ATF6: variants seen among roughly 807,000 people sequenced by gnomAD.
ATF6 encodes the protein activating transcription factor 6.
In ATF6, 53 loss-of-function variants were observed where a neutral mutation model predicts 83.6. That is an observed-to-expected ratio of 0.63 (90% confidence interval 0.51 to 0.80). The LOEUF is 0.80. Ranked by LOEUF, ATF6 falls within the 30% of genes least tolerant of loss-of-function variation. ATF6 has a pLI of 0.00. For missense variants in ATF6, 744 were observed against 797.9 expected (o/e 0.93, Z 0.81); for synonymous variants, 288 against 285.8 (o/e 1.01, Z -0.08).
rs1160705630 is a variant in ATF6 at position 161,819,817 on chromosome 1, A to G, written c.1094A>G (p.Glu365Gly). The change falls in exon 8 of 16, where the codon GAG becomes GGG. Residue 365 changes from glutamate to glycine, a missense_variant and splice_region_variant. By Grantham distance (98) the Glu-to-Gly change is moderately conservative (BLOSUM62 -2). Coordinates refer to ENST00000367942, the MANE Select transcript of ATF6 (RefSeq NM_007348.4). ...LKRQLDEVVS[E>G]NQRLKVPSPK... is the part of the protein sequence containing the mutation. ...CGGCAGCTGGATGAAGTTGTGTCAG[A>G]GGTAAGTGTTAGTAATACGGCTGAG... is the stretch of plus-strand genomic sequence containing the variant. The G allele has an allele frequency of 1.2e-6, 2 of 1,607,908 alleles. No individual in the cohort carries two copies. The highest frequency in any genetic ancestry group is 1.1e-5 in the South Asian group (1 of 90,218).
chr1:161,935,813 A>G (rs140291677), intron 15 of ATF6, among the ~76,000 whole-genome samples: 260 of 152,388 alleles, frequency 1.7e-3, no homozygotes, highest in African/African-American at 6.0e-3. Flanking sequence ...CATTCATAAT[A>G]GGTTCTCAGT....
intron 9 of ATF6, among the ~76,000 whole-genome samples, chr1:161,831,428 A>C (rs1686056665): frequency 6.6e-6 from 1 of 152,232 alleles, no homozygotes; most frequent in Non-Finnish European, 1.5e-5. Flanking sequence ...CATTTGACCC[A>C]GCCATCCCAT....
intron 6 of ATF6, among the ~76,000 whole-genome samples, chr1:161,795,336 G>C (rs1001354682): frequency 2.0e-5 from 3 of 152,014 alleles, no homozygotes; most frequent in Non-Finnish European, 4.4e-5. Context: ...TTCTTACTAT[G>C]TGCCAGACAC....
intron 9 of ATF6, among the ~76,000 whole-genome samples, chr1:161,824,903 A>G (rs1685854918): frequency 6.6e-6 from 1 of 152,218 alleles, no homozygotes; most frequent in Non-Finnish European, 1.5e-5. Context: ...GTTGTATGAG[A>G]AAGAATTATA....
At chr1:161,860,126 A>G in intron 12 of ATF6, 81 bp from the exon 13 acceptor site, 1 of 865,720 alleles carries the variant, frequency 1.2e-6, no homozygotes, top group South Asian at 2.6e-5. Context: ...AACAAATTTA[A>G]GTATAGAATG....
chr1:161,810,283 G>C (rs1265187982), intron 7 of ATF6, among the ~76,000 whole-genome samples: 3 of 152,192 alleles, frequency 2.0e-5, no homozygotes, highest in African/African-American at 7.2e-5. Context: ...CATGACTGTG[G>C]GTGAGGGGGA....
At chr1:161,915,027 C>T (rs1044899709) in intron 15 of ATF6, among the ~76,000 whole-genome samples, 8 of 152,156 alleles carry the variant, frequency 5.3e-5, no homozygotes, top group African/African-American at 1.9e-4. Context: ...CTTTCCCTCT[C>T]TCTGAAAAAA....
Position 161,958,853 on chromosome 1 carries a change from A to T in ATF6, c.*199A>T. On this transcript the variant is annotated 3_prime_UTR_variant, in exon 16 of 16. Transcript: ENST00000367942. ...CTATTTGGAAAGCACTGGAATTCAG[A>T]TGCAAGAGAACAATGTTTCTTCAGT... is the stretch of plus-strand genomic sequence containing the variant. 1 of 500,530 alleles carries T rather than the reference A, an allele frequency of 2.0e-6. No homozygotes were observed. Among genetic ancestry groups the T allele is most frequent in the Non-Finnish European group, 3.5e-6 (1 of 286,574 alleles). The allele number at this position is 500,530 out of a possible 1,614,324, so 31.0% of individuals were successfully genotyped here.
At chr1:161,861,587 T>G (rs1439588110) in intron 13 of ATF6, among the ~76,000 whole-genome samples, 1 of 152,208 alleles carries the variant, frequency 6.6e-6, no homozygotes, top group African/African-American at 2.4e-5. Flanking sequence ...AGTTAAAATG[T>G]TTTAGTGAAT....
chr1:161,941,822 A>G (rs562850369), intron 15 of ATF6, among the ~76,000 whole-genome samples: 1 of 152,310 alleles, frequency 6.6e-6, no homozygotes, highest in African/African-American at 2.4e-5. Context: ...ACTTAAAGAA[A>G]GTTTAGTCCT....
intron 10 of ATF6, among the ~76,000 whole-genome samples, chr1:161,849,717 C>T (rs1056669836): frequency 6.6e-6 from 1 of 152,062 alleles, no homozygotes; most frequent in Non-Finnish European, 1.5e-5. Context: ...TAATTTCATG[C>T]ACAGTTCATA....
At chr1:161,849,108 A>C (rs1686552741) in intron 10 of ATF6, among the ~76,000 whole-genome samples, 1 of 152,134 alleles carries the variant, frequency 6.6e-6, no homozygotes, top group South Asian at 2.1e-4. Flanking sequence ...ATGATTTTTA[A>C]AATAATGCGT....
At chr1:161,847,028 A>G (rs1209154157) in intron 10 of ATF6, among the ~76,000 whole-genome samples, 2 of 152,096 alleles carry the variant, frequency 1.3e-5, no homozygotes, top group Non-Finnish European at 2.9e-5. Context: ...TCTTTGTTGA[A>G]TCCCTCCCTT....
rs1486984762 is a variant in ATF6 at position 161,961,462 on chromosome 1, T to G, written c.*2808T>G. 6.6e-6 allele frequency: 1 copy of G among 152,222 alleles called. No individual in the cohort carries two copies. Among genetic ancestry groups the G allele is most frequent in the Non-Finnish European group, 1.5e-5 (1 of 68,032 alleles). 9.4% of individuals were successfully genotyped at this position (152,222 alleles called of 1,614,324 possible). On this transcript the variant is annotated 3_prime_UTR_variant, in exon 16 of 16. Coordinates refer to ENST00000367942, the MANE Select transcript of ATF6 (RefSeq NM_007348.4). ...CAAATGCAAAGAAGTAGTCACTTTT[T>G]AAATTGCTGGCAAAGCTATAATTAA...
rs1457178017 is a variant in ATF6 at position 161,781,744 on chromosome 1, C to G, written c.160-168C>G. On this transcript the variant is annotated intron_variant, in intron 2 of 15. Transcript: ENST00000367942. ...TCAAGTAACTGAATTGATTTTATCTCTAGGCTATCCAAGATGTATTCTCAT... is the reference window on the plus strand; with the variant it reads ...TCAAGTAACTGAATTGATTTTATCTGTAGGCTATCCAAGATGTATTCTCAT... Among the ~76,000 whole-genome samples the G allele has an allele frequency of 2.0e-5, 3 of 152,148 alleles. No homozygotes were observed. In the East Asian group the frequency reaches 5.8e-4, roughly 29 times the overall value.
chr1:161,774,866 A>G (rs1684478597), intron 1 of ATF6, among the ~76,000 whole-genome samples: 1 of 152,204 alleles, frequency 6.6e-6, no homozygotes, highest in Non-Finnish European at 1.5e-5. Context: ...GTGTCCTTTA[A>G]TCTGGAACAG....
intron 14 of ATF6, among the ~76,000 whole-genome samples, chr1:161,869,836 TTG>T (rs1687084565): frequency 6.6e-6 from 1 of 151,856 alleles, no homozygotes; most frequent in South Asian, 2.1e-4. Flanking sequence ...TATACTACCT[TTG>T]TAGTTTACAA....
At chr1:161,853,757 T>C (rs1686696666) in intron 12 of ATF6, among the ~76,000 whole-genome samples, 1 of 152,232 alleles carries the variant, frequency 6.6e-6, no homozygotes, top group Non-Finnish European at 1.5e-5. Context: ...TTTACTACTA[T>C]GGTTTAATGA....
At chr1:161,786,425 T>G (rs934492401) in intron 4 of ATF6, among the ~76,000 whole-genome samples, 1 of 152,220 alleles carries the variant, frequency 6.6e-6, no homozygotes, top group Non-Finnish European at 1.5e-5. Flanking sequence ...GTCTCTTTGC[T>G]TTATTTCTGG....
Sources: gnomAD v4.1 joint callset for allele counts (sites outside exome capture counted in the v4.1 genomes callset) on GRCh38, gnomAD v4.1.1 for gene constraint, MANE v1.5 for transcripts, NCBI Gene and HGNC (gene_info 2026-07-23, HGNC 2026-07-21) for gene names.